Variants in DPP4 observed in about 807,000 individuals in gnomAD.
The protein encoded by DPP4 is ADCP-2.
In DPP4, 93 loss-of-function variants were observed where a neutral mutation model predicts 122.4. That is an observed-to-expected ratio of 0.76 (90% CI 0.64 to 0.90). DPP4 has a LOEUF of 0.90. Ranked by LOEUF, DPP4 falls within the 40% of genes least tolerant of loss-of-function variation. The pLI, the probability that DPP4 is intolerant of heterozygous loss-of-function variation, is 0.00. For missense variants in DPP4, 914 were observed against 907.3 expected (o/e 1.01, Z -0.09); for synonymous variants, 321 against 302.9 (o/e 1.06, Z -0.62).
At position 162,009,238 on chromosome 2, in the gene DPP4, C is replaced by T. The variant is rs115450134; in HGVS notation, c.1887+3G>A. ...CATACAGATTCATCAGTCAACTACT[C>T]ACCCAGCCCCAAATTGCAATTCGTT... is the stretch of plus-strand genomic sequence containing the variant. On this transcript the variant is annotated splice_donor_region_variant and intron_variant, in intron 21 of 25. Transcript: ENST00000360534. 9.6e-3 allele frequency: 15,519 copies of T among 1,613,638 alleles called. 109 individuals are homozygous for T. The highest frequency in any genetic ancestry group is 0.012 in the Non-Finnish European group (14,456 of 1,179,648).
chr2:162,020,554 T>C (rs199550270), intron 13 of DPP4, 27 bp downstream of exon 13: 7 of 1,534,682 alleles, frequency 4.6e-6, no homozygotes, highest in Non-Finnish European at 5.3e-6. Context: ...GAGGTCAACA[T>C]GAAATAAAAT....
chr2:162,072,397 C>T (rs181247570), intron 2 of DPP4, among the ~76,000 whole-genome samples: 17 of 152,298 alleles, frequency 1.1e-4, no homozygotes, highest in African/African-American at 2.9e-4. Context: ...TAGGTCAACC[C>T]ATTCAGTTAT....
intron 23 of DPP4, among the ~76,000 whole-genome samples, chr2:162,002,796 T>A (rs1350183691): frequency 6.6e-6 from 1 of 152,032 alleles, no homozygotes; most frequent in Non-Finnish European, 1.5e-5. Context: ...TTGAATGTAT[T>A]CCTGCCAGAG....
At chr2:162,042,176 G>A (rs1032017348) in intron 5 of DPP4, among the ~76,000 whole-genome samples, 2 of 152,208 alleles carry the variant, frequency 1.3e-5, no homozygotes, top group Admixed American at 1.3e-4. Flanking sequence ...CATGAAGCAA[G>A]TTTCTTTCTA....
rs779095397 is a variant in DPP4 at position 162,014,443 on chromosome 2, C to T, written c.1590G>A (p.Leu530=). 6.2e-7 allele frequency: 1 copy of T among 1,607,870 alleles called. No individual in the cohort carries two copies. Among genetic ancestry groups the T allele is most frequent in the Non-Finnish European group, 8.5e-7 (1 of 1,177,236 alleles). Reference sequence around the variant, plus strand: ...TCTTGGATTTATCAAAATGAGGAGGCAAGATCATCTGATACCAAAATTCTA... The same window carrying T: ...TCTTGGATTTATCAAAATGAGGAGGTAAGATCATCTGATACCAAAATTCTA... ...NETKFWYQMI[L]PPHFDKSKKY... The change falls in exon 19 of 26, where the codon TTG becomes TTA. Residue 530 remains leucine, a synonymous_variant. Transcript: ENST00000360534.
At chr2:162,033,994 T>C (rs1246309032) in intron 9 of DPP4, among the ~76,000 whole-genome samples, 1 of 151,366 alleles carries the variant, frequency 6.6e-6, no homozygotes, top group Non-Finnish European at 1.5e-5. Flanking sequence ...GATAAACCTC[T>C]TAAAATCAAC....
At chr2:162,044,170 G>A (rs948319252) in intron 5 of DPP4, among the ~76,000 whole-genome samples, 16 of 152,180 alleles carry the variant, frequency 1.1e-4, no homozygotes, top group African/African-American at 3.9e-4. Context: ...GAAATAAGAA[G>A]CACTTAATTA....
intron 2 of DPP4, among the ~76,000 whole-genome samples, chr2:162,067,662 T>C (rs1346265012): frequency 1.4e-5 from 2 of 143,948 alleles, no homozygotes; most frequent in Non-Finnish European, 3.2e-5. Context: ...ATACAATGCT[T>C]GGCAAATAAT....
rs184572056 is a variant in DPP4, at chr2:162,046,623, G to A, written c.285+292C>T. The A allele has an allele frequency of 1.8e-4, 88 of 499,160 alleles. 1 individual carries two copies. In the Admixed American group the frequency reaches 2.0e-3, roughly 11 times the overall value. 30.9% of individuals were successfully genotyped at this position (499,160 alleles called of 1,614,324 possible). On this transcript the variant is annotated intron_variant, in intron 4 of 25. Coordinates refer to ENST00000360534, the MANE Select transcript of DPP4 (RefSeq NM_001935.4). The stretch of plus-strand genomic sequence containing the variant: ...GAGAGGAGGGCAGTAATGCTGTGGG[G>A]TTGCATGAAATTCACCAAAGGAGAG...
chr2:162,073,320 C>T (rs1408416246), intron 2 of DPP4, 79 bp downstream of exon 2: 1 of 1,467,336 alleles, frequency 6.8e-7, no homozygotes, highest in African/African-American at 1.4e-5. Context: ...CGCAAAATCC[C>T]TCGTTTCCCT....
intron 2 of DPP4, among the ~76,000 whole-genome samples, chr2:162,057,694 C>T (rs928898149): frequency 2.0e-5 from 3 of 152,194 alleles, no homozygotes; most frequent in Admixed American, 6.5e-5. Context: ...TACACTTTCT[C>T]AGTTACCTCA....
intron 2 of DPP4, among the ~76,000 whole-genome samples, chr2:162,063,609 C>T (rs981305018): frequency 3.0e-4 from 46 of 151,734 alleles, no homozygotes; most frequent in African/African-American, 9.4e-4. Flanking sequence ...GCACACGAGA[C>T]ACAGAGTGAG....
chr2:162,018,490 G>C (rs1027155047), intron 16 of DPP4, among the ~76,000 whole-genome samples: 1 of 152,198 alleles, frequency 6.6e-6, no homozygotes, highest in Non-Finnish European at 1.5e-5. Context: ...AAGTGCTTCT[G>C]TTATACACAA....
chr2:162,017,330 A>C (rs1260280944), intron 16 of DPP4, 175 bp from the exon 17 acceptor site: 3 of 592,174 alleles, frequency 5.1e-6, no homozygotes, highest in Non-Finnish European at 8.9e-6. Flanking sequence ...CTCTCTTTAA[A>C]ATAGTTGCAA....
intron 11 of DPP4, among the ~76,000 whole-genome samples, chr2:162,023,294 T>A (rs1683204714): frequency 6.6e-6 from 1 of 152,172 alleles, no homozygotes; most frequent in African/African-American, 2.4e-5. Flanking sequence ...AATCTCCTTG[T>A]TGGAGATCCT....
intron 2 of DPP4, among the ~76,000 whole-genome samples, chr2:162,060,899 TCCTCCCTCCCTC>T (rs1193713741): frequency 6.7e-6 from 1 of 149,526 alleles, no homozygotes; most frequent in Non-Finnish European, 1.5e-5. Flanking sequence ...CCTTCCTTCC[TCCTCCCTCCCTC>T]CCTCCCTAGC....
chr2:162,069,144 A>G (rs899226356), intron 2 of DPP4, among the ~76,000 whole-genome samples: 1 of 152,192 alleles, frequency 6.6e-6, no homozygotes, highest in Non-Finnish European at 1.5e-5. Context: ...TAACTAAAGT[A>G]CCCTCTCAAA....
chr2:162,067,910 G>C (rs1229121426), intron 2 of DPP4, among the ~76,000 whole-genome samples: 1 of 152,174 alleles, frequency 6.6e-6, no homozygotes, highest in Non-Finnish European at 1.5e-5. Context: ...GCAGGCTCAG[G>C]GAAGGTTGGT....
intron 2 of DPP4, among the ~76,000 whole-genome samples, chr2:162,062,892 G>A (rs758966254): frequency 5.3e-5 from 8 of 152,040 alleles, no homozygotes; most frequent in Non-Finnish European, 1.2e-4. Context: ...TTAGTACACA[G>A]GAGCGGAGGA....
Sources: allele counts gnomAD v4.1 joint callset (sites outside exome capture counted in the v4.1 genomes callset), GRCh38; gene constraint gnomAD v4.1.1; transcripts MANE v1.5; gene names NCBI Gene and HGNC (gene_info 2026-07-23, HGNC 2026-07-21).